CDH18: variants seen among roughly 807,000 people sequenced by gnomAD.
The protein encoded by CDH18 is cadherin-18.
CDH18 carries 31 observed loss-of-function variants against 67.9 expected under a neutral mutation model. The ratio of observed to expected loss-of-function variants is 0.46; its 90% CI spans 0.34 to 0.62. CDH18 has a LOEUF of 0.62. Ranked by LOEUF, CDH18 falls within the 20% of genes least tolerant of loss-of-function variation. The probability of loss-of-function intolerance (pLI) is 0.01; values close to 1 mark genes in which losing one functional copy is unlikely to be tolerated. For synonymous variants in CDH18, 362 were observed against 347.2 expected (o/e 1.04, Z -0.48); for missense variants, 890 against 975.5 (o/e 0.91, Z 1.17).
chr5:20,178,572 GTTTCTTTC>G (rs200387560), intron 2 of CDH18, among the ~76,000 whole-genome samples: 2 of 149,702 alleles, frequency 1.3e-5, no homozygotes, highest in African/African-American at 4.9e-5. Context: ...TGTAAATAGA[GTTTCTTTC>G]TTTCTTTCTT....
chr5:19,749,178 T>C (rs945142481), intron 3 of CDH18, among the ~76,000 whole-genome samples: 2 of 152,170 alleles, frequency 1.3e-5, no homozygotes, highest in Non-Finnish European at 2.9e-5. Context: ...CTATTTCATA[T>C]TCTCTAACTT....
chr5:20,305,509 CG>C, intron 1 of CDH18: 1 of 1,006,048 alleles, frequency 9.9e-7, no homozygotes, highest in Non-Finnish European at 1.6e-6. Context: ...CCGCGAAACC[CG>C]GGGCGCAGCG....
intron 1 of CDH18, among the ~76,000 whole-genome samples, chr5:20,422,190 T>C (rs1208103956): frequency 6.8e-6 from 1 of 146,808 alleles, no homozygotes; most frequent in Non-Finnish European, 1.5e-5. Flanking sequence ...ATAGTCAAAC[T>C]TGATGAAAAA....
chr5:20,343,055 G>A (rs1169409246), intron 1 of CDH18, among the ~76,000 whole-genome samples: 3 of 152,182 alleles, frequency 2.0e-5, no homozygotes, highest in Non-Finnish European at 1.5e-5. Context: ...TTGAACTGCA[G>A]TCACTCAACT....
chr5:19,915,216 C>T (rs780490318), intron 2 of CDH18, among the ~76,000 whole-genome samples: 10 of 152,128 alleles, frequency 6.6e-5, no homozygotes, highest in Non-Finnish European at 1.5e-4. Flanking sequence ...GTGCTGTCTT[C>T]CACTACTCCT....
intron 2 of CDH18, among the ~76,000 whole-genome samples, chr5:19,839,944 AT>A (rs902258226): frequency 2.0e-5 from 3 of 152,008 alleles, no homozygotes; most frequent in African/African-American, 4.8e-5. Context: ...CAGAGGAAAA[AT>A]GTTTTGATTT....
At chr5:19,589,030 G>C (rs1425781690) in intron 7 of CDH18, among the ~76,000 whole-genome samples, 1 of 151,970 alleles carries the variant, frequency 6.6e-6, no homozygotes, top group Non-Finnish European at 1.5e-5. Flanking sequence ...CCTGAACTCA[G>C]CTCTGGCTCT....
intron 11 of CDH18, among the ~76,000 whole-genome samples, chr5:19,500,799 T>A (rs1467647178): frequency 6.6e-6 from 1 of 152,116 alleles, no homozygotes; most frequent in Non-Finnish European, 1.5e-5. Context: ...ACACTAGTAA[T>A]GTTGTCAAAT....
chr5:19,716,132 A>G (rs1372858310), intron 5 of CDH18, among the ~76,000 whole-genome samples: 1 of 152,004 alleles, frequency 6.6e-6, no homozygotes, highest in Non-Finnish European at 1.5e-5. Context: ...TGTCAATCTT[A>G]AAGAAGGAGA....
chr5:20,161,941 A>ATT (rs955340576), intron 2 of CDH18, among the ~76,000 whole-genome samples: 2 of 150,144 alleles, frequency 1.3e-5, no homozygotes, highest in African/African-American at 4.9e-5. Flanking sequence ...ATTCTCAGTG[A>ATT]TTTTTTTTTT....
intron 1 of CDH18, among the ~76,000 whole-genome samples, chr5:20,335,557 A>G (rs1443132218): frequency 2.6e-5 from 4 of 152,070 alleles, no homozygotes; most frequent in Non-Finnish European, 4.4e-5. Flanking sequence ...GACTTTCACT[A>G]TCCTATTACT....
rs1561728007 is a variant in CDH18 at position 20,028,560 on chromosome 5, C to T, written c.-517-36546G>A. 3.3e-5 allele frequency among the ~76,000 whole-genome samples: 5 copies of T among 152,266 alleles called. No homozygotes were observed. In the East Asian group the frequency reaches 7.7e-4, roughly 24 times the overall value. ...AAAGAAGTTTTCCATACGGTAGCCT[C>T]GACCTTATTCACAGGGGATGTATTC... On this transcript the variant is annotated intron_variant, in intron 2 of 14. Coordinates refer to the CDH18 transcript ENST00000507958.
chr5:19,519,847 C>T (rs1432697359), intron 10 of CDH18, among the ~76,000 whole-genome samples: 2 of 152,112 alleles, frequency 1.3e-5, no homozygotes, highest in Admixed American at 1.3e-4. Context: ...ATGTTCCCAA[C>T]AGCCCTATGA....
At position 19,483,380 on chromosome 5, in the gene CDH18, A is replaced by C. The variant is rs1204905540; in HGVS notation, c.1803T>G (p.His601Gln). The C allele has an allele frequency of 3.1e-6, 5 of 1,614,130 alleles. No individual in the cohort carries two copies. The highest frequency in any genetic ancestry group is 8.5e-7 in the Non-Finnish European group (1 of 1,180,014). Residue 601 changes from histidine to glutamine, a missense_variant, in exon 12 of 13, where the codon CAT becomes CAG. By Grantham distance (24) the His-to-Gln change is conservative. Coordinates refer to ENST00000382275, the MANE Select transcript of CDH18 (RefSeq NM_004934.5). ...CAGCCGAGGACAGGAAGGCTTCTGC[A>C]TGGCAGGTCCGCACACGCCCATCTC... ...CERDGRVRTC[H>Q]AEAFLSSAGL...
At chr5:19,609,923 C>T (rs1748672614) in intron 6 of CDH18, among the ~76,000 whole-genome samples, 1 of 152,006 alleles carries the variant, frequency 6.6e-6, no homozygotes. Context: ...TTTCTTTTCT[C>T]CAAGCAGTTT....
intron 1 of CDH18, among the ~76,000 whole-genome samples, chr5:20,274,585 A>C (rs1211956166): frequency 6.6e-6 from 1 of 152,128 alleles, no homozygotes; most frequent in African/African-American, 2.4e-5. Flanking sequence ...CAAGTTATAA[A>C]CTTTATGTGT....
At chr5:19,683,307 A>G (rs975587743) in intron 5 of CDH18, among the ~76,000 whole-genome samples, 7 of 152,048 alleles carry the variant, frequency 4.6e-5, no homozygotes, top group African/African-American at 1.7e-4. Context: ...TTTTTGCCAT[A>G]TTCTATTTTT....
At chr5:20,294,893 A>G (rs1747369967) in intron 1 of CDH18, among the ~76,000 whole-genome samples, 1 of 152,216 alleles carries the variant, frequency 6.6e-6, no homozygotes, top group African/African-American at 2.4e-5. Context: ...CTGATAGTAA[A>G]TATTGACTCA....
intron 11 of CDH18, among the ~76,000 whole-genome samples, chr5:19,486,661 C>T (rs745964580): frequency 1.3e-5 from 2 of 151,950 alleles, no homozygotes; most frequent in Non-Finnish European, 2.9e-5. Flanking sequence ...GGTGTGGTGG[C>T]GGGCGCCTAT....
Sources: allele counts gnomAD v4.1 joint callset (sites outside exome capture counted in the v4.1 genomes callset), GRCh38; gene constraint gnomAD v4.1.1; transcripts MANE v1.5; gene names NCBI Gene and HGNC (gene_info 2026-07-23, HGNC 2026-07-21).